PCDHA3: variants seen among roughly 807,000 people sequenced by gnomAD.
PCDHA3 encodes protocadherin alpha 3, also known as protocadherin alpha-3.
A neutral mutation model predicts 62.2 loss-of-function variants in PCDHA3; 41 were observed. The ratio of observed to expected loss-of-function variants is 0.66; its 90% CI spans 0.51 to 0.86. The LOEUF (loss-of-function observed/expected upper bound fraction) is 0.86. Ranked by LOEUF, PCDHA3 falls within the 40% of genes least tolerant of loss-of-function variation. PCDHA3 has a pLI of 0.00. For missense variants in PCDHA3, 1,304 were observed against 1,241.2 expected (o/e 1.05, Z -0.76); for synonymous variants, 640 against 555.4 (o/e 1.15, Z -2.14).
At chr5:141,001,957 G>A in intron 3 of PCDHA3, among the ~76,000 whole-genome samples, 1 of 152,294 alleles carries the variant, frequency 6.6e-6, no homozygotes, top group African/African-American at 2.4e-5. Flanking sequence ...AGGAGGGAGA[G>A]GCGGGGTGTC....
chr5:140,838,613 A>T (rs1460772587), intron 1 of PCDHA3, among the ~76,000 whole-genome samples: 2 of 152,032 alleles, frequency 1.3e-5, no homozygotes, highest in African/African-American at 4.8e-5. Context: ...ACTTTTAAAA[A>T]TTTTTTACAA....
At chr5:140,831,815 T>A (rs1475150566) in intron 1 of PCDHA3, among the ~76,000 whole-genome samples, 1 of 152,196 alleles carries the variant, frequency 6.6e-6, no homozygotes, top group Non-Finnish European at 1.5e-5. Context: ...AAAGTTGGAA[T>A]GATAAACACT....
intron 1 of PCDHA3, among the ~76,000 whole-genome samples, chr5:140,955,070 G>A (rs755676357): frequency 2.2e-4 from 34 of 152,166 alleles, no homozygotes; most frequent in Non-Finnish European, 4.1e-4. Context: ...GTTTGTTGAA[G>A]ATCAGATGGT....
At chr5:140,975,017 G>A (rs1474947976) in intron 1 of PCDHA3, among the ~76,000 whole-genome samples, 1 of 152,154 alleles carries the variant, frequency 6.6e-6, no homozygotes, top group Non-Finnish European at 1.5e-5. Flanking sequence ...ACACAGCTGG[G>A]CTGTGTTGTC....
intron 3 of PCDHA3, among the ~76,000 whole-genome samples, chr5:140,995,267 C>A (rs552857413): frequency 6.6e-6 from 1 of 152,074 alleles, no homozygotes; most frequent in Admixed American, 6.5e-5. Context: ...GAATACAAGC[C>A]CTTTGATACC....
intron 1 of PCDHA3, among the ~76,000 whole-genome samples, chr5:140,961,479 C>A (rs2095615905): frequency 6.6e-6 from 1 of 152,108 alleles, no homozygotes; most frequent in Admixed American, 6.6e-5. Context: ...TTTGTCTTGT[C>A]CACGTGAGTA....
At chr5:140,848,923 C>G (rs1554142574) in intron 1 of PCDHA3, 1 of 1,607,740 alleles carries the variant, frequency 6.2e-7, no homozygotes, top group Middle Eastern at 1.7e-4. Context: ...CTGTTCATCG[C>G]GGAATCCAGG....
At chr5:140,927,590 T>C (rs782100491) in intron 1 of PCDHA3, 21 of 1,614,058 alleles carry the variant, frequency 1.3e-5, no homozygotes, top group Non-Finnish European at 1.4e-5. Flanking sequence ...GCGCCTGTAT[T>C]TGAGCGCTCC....
intron 1 of PCDHA3, chr5:140,863,344 T>C (rs1554158123): frequency 1.5e-6 from 2 of 1,323,546 alleles, no homozygotes; most frequent in Admixed American, 1.8e-5. Context: ...GTTGCTGCTG[T>C]ACACGACGCT....
chr5:140,863,248 G>C (rs782700291), intron 1 of PCDHA3: 8 of 1,396,066 alleles, frequency 5.7e-6, no homozygotes, highest in Middle Eastern at 1.9e-4. Context: ...TTTGGCGGGC[G>C]TCGAGGTCCG....
Position 140,801,468 on chromosome 5 carries a change from G to C in PCDHA3, c.271G>C (p.Asp91His), listed in dbSNP as rs1433804601. ...CATTTTGTTTGTGAATTCTCGGATA[G>C]ACCGCGAGGAACTGTGCGGGCGGAG... ...NGILFVNSRI[D>H]REELCGRSAE... Residue 91 changes from aspartate (D) to histidine (H), a missense_variant, in exon 1 of 4, where the codon GAC becomes CAC. Physicochemically the swap from Asp to His is moderately conservative, Grantham distance 81. Transcript: ENST00000522353. 6 of 1,613,938 alleles carry C rather than the reference G, an allele frequency of 3.7e-6. No individual in the cohort carries two copies. The highest frequency in any genetic ancestry group is 5.1e-6 in the Non-Finnish European group (6 of 1,180,062).
chr5:140,853,932 G>C, intron 1 of PCDHA3: 6 of 869,474 alleles, frequency 6.9e-6, no homozygotes, highest in Non-Finnish European at 8.4e-6. Flanking sequence ...ATTTTGGGAG[G>C]CCAAGGTGGG....
At chr5:140,924,901 A>AT (rs1554202312) in intron 1 of PCDHA3, among the ~76,000 whole-genome samples, 3 of 80,456 alleles carry the variant, frequency 3.7e-5, no homozygotes, top group African/African-American at 8.6e-5. Context: ...TCTCAAAAAA[A>AT]AAAATAAAAT....
At chr5:140,941,401 C>T (rs1200707950) in intron 1 of PCDHA3, among the ~76,000 whole-genome samples, 1 of 149,796 alleles carries the variant, frequency 6.7e-6, no homozygotes, top group Non-Finnish European at 1.5e-5. Flanking sequence ...ACTGCAACCT[C>T]CGCCTCCCGG....
chr5:140,827,227 G>A (rs1355140573), intron 1 of PCDHA3, among the ~76,000 whole-genome samples: 1 of 152,144 alleles, frequency 6.6e-6, no homozygotes, highest in Non-Finnish European at 1.5e-5. Flanking sequence ...GAAAGGATAT[G>A]GGACAGGGTT....
intron 1 of PCDHA3, among the ~76,000 whole-genome samples, chr5:140,916,528 C>T (rs2077601043): frequency 6.6e-6 from 1 of 152,154 alleles, no homozygotes; most frequent in South Asian, 2.1e-4. Context: ...TGGGTCCTTC[C>T]CACCAAGGCA....
At chr5:140,821,261 AT>A (rs1766930813) in intron 1 of PCDHA3, among the ~76,000 whole-genome samples, 1 of 152,196 alleles carries the variant, frequency 6.6e-6, no homozygotes. Flanking sequence ...CTTAAAAGTT[AT>A]TTTTATCAGT....
At chr5:140,854,589 AG>A (rs1479719574) in intron 1 of PCDHA3, 1 of 150,000 alleles carries the variant, frequency 6.7e-6, no homozygotes, top group African/African-American at 2.4e-5. Flanking sequence ...TAATAAAAAA[AG>A]TTTAAAGTAA....
chr5:140,841,709 C>T, intron 1 of PCDHA3: 1 of 1,613,900 alleles, frequency 6.2e-7, no homozygotes, highest in South Asian at 1.1e-5. Context: ...TAATGACAAC[C>T]CGCCAGTGTT....
Sources: gnomAD v4.1 joint callset for allele counts (sites outside exome capture counted in the v4.1 genomes callset) on GRCh38, gnomAD v4.1.1 for gene constraint, MANE v1.5 for transcripts, NCBI Gene and HGNC (gene_info 2026-07-23, HGNC 2026-07-21) for gene names.